Variants in FAM131B observed in about 807,000 individuals in gnomAD.
FAM131B encodes protein FAM131B.
FAM131B carries 19 observed loss-of-function variants against 42.0 expected under a neutral mutation model. The observed-to-expected ratio is 0.45, with a 90% confidence interval of 0.32 to 0.66. The LOEUF (loss-of-function observed/expected upper bound fraction) is 0.66, where lower values mean the gene tolerates loss of function less well. FAM131B is among the 30% of genes least tolerant of loss of function. FAM131B has a pLI of 0.05. For missense variants in FAM131B, 370 were observed against 468.4 expected (o/e 0.79, Z 1.94); for synonymous variants, 183 against 177.6 (o/e 1.03, Z -0.24).
chr7:143,357,117 A>G, intron 6 of FAM131B, 95 bp from the exon 7 acceptor site: 1 of 1,151,246 alleles, frequency 8.7e-7, no homozygotes. Flanking sequence ...GAGACAGCAC[A>G]GAGAACTGGC....
At chr7:143,376,506 G>C in the FAM131B span, among the ~76,000 whole-genome samples, 3 of 152,200 alleles carry the variant, frequency 2.0e-5, no homozygotes, top group African/African-American at 7.2e-5. Flanking sequence ...AAGGAAACGT[G>C]GGCATTTGTG....
In FAM131B at chr7:143,358,737, G is replaced by A. The variant is rs1426908998; in HGVS notation, c.466+90C>T. On this transcript the variant is annotated intron_variant, in intron 5 of 6. Coordinates refer to ENST00000443739, the MANE Select transcript of FAM131B (RefSeq NM_001031690.3). The surrounding 1 kb of genome is among the most constrained non-coding windows in gnomAD (Gnocchi z 4.7). The stretch of plus-strand genomic sequence containing the variant: ...GTGAATCTACGGTCAAAGTATGGAT[G>A]GAGCTAATCCTGCCACAGGGGATCA... 1 of 956,422 alleles carries A rather than the reference G, an allele frequency of 1.0e-6. No individual in the cohort carries two copies. Among genetic ancestry groups the A allele is most frequent in the Non-Finnish European group, 1.6e-6 (1 of 611,864 alleles). 59.2% of individuals were successfully genotyped at this position (956,422 alleles called of 1,614,324 possible). A position where few individuals can be genotyped will look rare whatever the true frequency, so the allele number is the denominator to read the frequency against.
In FAM131B at chr7:143,359,231, A is replaced by G; in HGVS notation, c.268+95T>C. 9.1e-7 allele frequency: 1 copy of G among 1,095,816 alleles called. No individual in the cohort carries two copies. The highest frequency in any genetic ancestry group is 1.4e-6 in the Non-Finnish European group (1 of 729,288). 67.9% of individuals were successfully genotyped at this position (1,095,816 alleles called of 1,614,324 possible). A position where few individuals can be genotyped will look rare whatever the true frequency, so the allele number is the denominator to read the frequency against. On this transcript the variant is annotated intron_variant, in intron 4 of 6. Coordinates refer to ENST00000443739, the MANE Select transcript of FAM131B (RefSeq NM_001031690.3). This position sits in a 1 kb window ranked among gnomAD's most constrained non-coding sequence, Gnocchi z 5.4. ...GTGAATAGGTCAGGGGGTGGGGATG[A>G]GGGTCTTCATCAACCTCGAAGGAGC...
the FAM131B span, chr7:143,382,049 G>C: frequency 9.8e-6 from 6 of 610,100 alleles, no homozygotes; most frequent in East Asian, 1.7e-4. Flanking sequence ...TGTAACGGGA[G>C]CTGCACCACT....
At chr7:143,371,427 C>T in the FAM131B span, among the ~76,000 whole-genome samples, 1 of 151,670 alleles carries the variant, frequency 6.6e-6, no homozygotes, top group Admixed American at 6.6e-5. Flanking sequence ...GCCTGGGCAA[C>T]ATATGGAGAC....
In FAM131B at chr7:143,359,276, G is replaced by T; in HGVS notation, c.268+50C>A. The T allele has an allele frequency of 7.1e-7, 1 of 1,417,426 alleles. No individual in the cohort carries two copies. Among genetic ancestry groups the T allele is most frequent in the Non-Finnish European group, 9.9e-7 (1 of 1,009,382 alleles). 87.8% of individuals were successfully genotyped at this position (1,417,426 alleles called of 1,614,324 possible). ...AGGAGCAGGGAGACTGAGCCAAGGA[G>T]TCTGTCAGCATTATTTTGTCTGAAG... On this transcript the variant is annotated intron_variant, in intron 4 of 6. Transcript: ENST00000443739. The surrounding 1 kb of genome is among the most constrained non-coding windows in gnomAD (Gnocchi z 5.4).
intron 1 of FAM131B, chr7:143,361,228 AG>A: frequency 6.5e-6 from 1 of 153,102 alleles, no homozygotes; most frequent in East Asian, 1.9e-4. Context: ...GACCCTCCAA[AG>A]TTGGCCTGCT....
At position 143,358,821 on chromosome 7, in the gene FAM131B, C is replaced by T; in HGVS notation, c.466+6G>A. On this transcript the variant is annotated splice_donor_region_variant and intron_variant, in intron 5 of 6. Coordinates refer to ENST00000443739, the MANE Select transcript of FAM131B (RefSeq NM_001031690.3). The surrounding 1 kb of genome is among the most constrained non-coding windows in gnomAD (Gnocchi z 4.7). ...TGTGTCTCTTGAGGCTTTAGGGTAC[C>T]TGTACCTGCTAGAAAACGTGCCTCC... is the stretch of plus-strand genomic sequence containing the variant. 6.2e-7 allele frequency: 1 copy of T among 1,613,390 alleles called. No homozygotes were observed. Among genetic ancestry groups the T allele is most frequent in the East Asian group, 2.2e-5 (1 of 44,880 alleles).
At position 143,358,546 on chromosome 7, in the gene FAM131B, G is replaced by A. The variant is rs898809321; in HGVS notation, c.466+281C>T. Among the ~76,000 whole-genome samples, 4 of 152,162 alleles carry A rather than the reference G, an allele frequency of 2.6e-5. No homozygotes were observed. The highest frequency in any genetic ancestry group is 9.7e-5 in the African/African-American group (4 of 41,434). On this transcript the variant is annotated intron_variant, in intron 5 of 6. Coordinates refer to ENST00000443739, the MANE Select transcript of FAM131B (RefSeq NM_001031690.3). The surrounding 1 kb of genome is among the most constrained non-coding windows in gnomAD (Gnocchi z 4.7). ...CCCCATTTTTTTCCCTGCACTTGAGGGAGTTCAGGTTTGGATAGTCCCGTG... is the reference window on the plus strand; with the variant it reads ...CCCCATTTTTTTCCCTGCACTTGAGAGAGTTCAGGTTTGGATAGTCCCGTG...
chr7:143,374,654 C>T, the FAM131B span, among the ~76,000 whole-genome samples: 1 of 152,350 alleles, frequency 6.6e-6, no homozygotes, highest in Non-Finnish European at 1.5e-5. Context: ...ACCTGTCCAG[C>T]CTTTCCTCAC....
chr7:143,364,170 G>A (rs1348325807), upstream of FAM131B: 2 of 151,834 alleles, frequency 1.3e-5, no homozygotes, highest in African/African-American at 2.4e-5. Context: ...GAGAGAATTA[G>A]AAAGCATTTT....
At chr7:143,362,835 AG>A, upstream of FAM131B, 1 of 139,776 alleles carries the variant, frequency 7.2e-6, no homozygotes, top group East Asian at 2.4e-4. This position sits in a 1 kb window ranked among gnomAD's most constrained non-coding sequence, Gnocchi z 7.7. Flanking sequence ...GCGGCCGGGG[AG>A]GGGGCGGCCC....
the FAM131B span, chr7:143,380,618 G>C: frequency 1.0e-6 from 1 of 985,514 alleles, no homozygotes; most frequent in African/African-American, 1.7e-5. This position sits in a 1 kb window ranked among gnomAD's most constrained non-coding sequence, Gnocchi z 5.0. Flanking sequence ...CGATCTGCTG[G>C]CTGGGGCGCT....
chr7:143,364,327 G>A (rs890877455), upstream of FAM131B: 3 of 151,120 alleles, frequency 2.0e-5, no homozygotes, highest in South Asian at 2.1e-4. Flanking sequence ...CATTATTCTA[G>A]CAATGCCCAC....
chr7:143,364,205 G>A (rs539055366), upstream of FAM131B: 3 of 151,580 alleles, frequency 2.0e-5, no homozygotes, highest in Admixed American at 6.6e-5. Context: ...ACTATTATTG[G>A]TTATATAAAA....
chr7:143,380,701 G>C, the FAM131B span: 11 of 985,300 alleles, frequency 1.1e-5, no homozygotes, highest in Non-Finnish European at 1.3e-5. The surrounding 1 kb of genome is among the most constrained non-coding windows in gnomAD (Gnocchi z 5.0). Context: ...AATGCTGGAG[G>C]TTCCGGCTCA....
chr7:143,379,019 T>C, the FAM131B span, among the ~76,000 whole-genome samples: 1 of 152,252 alleles, frequency 6.6e-6, no homozygotes, highest in Non-Finnish European at 1.5e-5. Flanking sequence ...ATATTCCGCA[T>C]TCTGAATGCT....
chr7:143,382,235 CT>C, the FAM131B span: 1 of 1,610,848 alleles, frequency 6.2e-7, no homozygotes, highest in South Asian at 1.1e-5. Context: ...CGTCTTTCTC[CT>C]TCCTACCCCA....
At position 143,359,680 on chromosome 7, in the gene FAM131B, T is replaced by TGAG; in HGVS notation, c.174+49_174+51dup. On this transcript the variant is annotated intron_variant, in intron 3 of 6. Coordinates refer to ENST00000443739, the MANE Select transcript of FAM131B (RefSeq NM_001031690.3). This position sits in a 1 kb window ranked among gnomAD's most constrained non-coding sequence, Gnocchi z 5.4. ...TGGTTGGAAGGTGCAAGGGAGAAGA[T>TGAG]GAGGAGGAGGAGTTCGGGAGGATGG... is the stretch of plus-strand genomic sequence containing the variant. The TGAG allele has an allele frequency of 6.6e-7, 1 of 1,504,760 alleles. No homozygotes were observed. The highest frequency in any genetic ancestry group is 9.1e-7 in the Non-Finnish European group (1 of 1,102,546). 93.2% of individuals were successfully genotyped at this position (1,504,760 alleles called of 1,614,324 possible). A position where few individuals can be genotyped will look rare whatever the true frequency, so the allele number is the denominator to read the frequency against.
Sources: gnomAD v4.1 joint callset for allele counts (sites outside exome capture counted in the v4.1 genomes callset) on GRCh38, gnomAD v4.1.1 for gene constraint, Gnocchi (gnomAD v3.1) non-coding constraint, MANE v1.5 for transcripts, NCBI Gene and HGNC (gene_info 2026-07-23, HGNC 2026-07-21) for gene names.